VPS13B: variants seen among roughly 807,000 people sequenced by gnomAD.
VPS13B encodes the protein vacuolar protein sorting 13 homolog B.
VPS13B carries 285 observed loss-of-function variants against 426.4 expected under a neutral mutation model. That is an observed-to-expected ratio of 0.67 (90% CI 0.61 to 0.74). The LOEUF is 0.74. Ranked by LOEUF, VPS13B falls within the 30% of genes least tolerant of loss-of-function variation. VPS13B has a pLI of 0.00. For synonymous variants in VPS13B, 1,676 were observed against 1,676.4 expected (o/e 1.00, Z 0.01); for missense variants, 4,537 against 4,782.6 (o/e 0.95, Z 1.51).
At chr8:99,547,029 T>C (rs1436257435) in intron 30 of VPS13B, among the ~76,000 whole-genome samples, 1 of 152,088 alleles carries the variant, frequency 6.6e-6, no homozygotes, top group East Asian at 1.9e-4. Context: ...TTATCTGTGC[T>C]CACCTTGGTT....
intron 33 of VPS13B, among the ~76,000 whole-genome samples, chr8:99,583,467 C>G (rs1021379469): frequency 1.3e-5 from 2 of 151,926 alleles, no homozygotes; most frequent in African/African-American, 4.8e-5. Context: ...GGCTTTTTTG[C>G]TATGAACTGT....
chr8:99,495,961 A>C (rs1487559419), intron 25 of VPS13B, among the ~76,000 whole-genome samples: 2 of 152,194 alleles, frequency 1.3e-5, no homozygotes, highest in Non-Finnish European at 2.9e-5. Context: ...GGCAAACCTA[A>C]GTTATTAAGA....
chr8:99,556,694 T>C (rs1242976666), intron 31 of VPS13B, 41 bp downstream of exon 31: 1 of 1,594,356 alleles, frequency 6.3e-7, no homozygotes, highest in Non-Finnish European at 8.6e-7. Context: ...TTCTAATACT[T>C]CATTGCCAGA....
intron 36 of VPS13B, among the ~76,000 whole-genome samples, chr8:99,714,891 A>G (rs958721198): frequency 1.3e-5 from 2 of 152,200 alleles, no homozygotes; most frequent in African/African-American, 4.8e-5. Flanking sequence ...TGAATCCTGG[A>G]CCAGAAAGAG....
At position 99,857,737 on chromosome 8, in the gene VPS13B, C is replaced by T. The variant is rs1816624330; in HGVS notation, c.10868-1567C>T. The stretch of plus-strand genomic sequence containing the variant: ...TCTGCCTCCTGTGCCTGGTCCATTC[C>T]CTGACCCAGACAGCAGCTCAGTCAC... On this transcript the variant is annotated intron_variant, in intron 56 of 61. Transcript: ENST00000357162. Among the ~76,000 whole-genome samples the T allele has an allele frequency of 2.6e-5, 4 of 152,284 alleles. No homozygotes were observed. In the South Asian group the frequency reaches 8.3e-4, roughly 32 times the overall value.
intron 59 of VPS13B, among the ~76,000 whole-genome samples, chr8:99,868,783 C>G (rs1254339916): frequency 6.6e-6 from 1 of 152,136 alleles, no homozygotes; most frequent in Non-Finnish European, 1.5e-5. Context: ...AGACTTTTTC[C>G]TATGATAAAT....
intron 19 of VPS13B, among the ~76,000 whole-genome samples, chr8:99,283,896 T>C (rs896173753): frequency 1.3e-5 from 2 of 152,234 alleles, no homozygotes; most frequent in African/African-American, 4.8e-5. Flanking sequence ...TTTGAAAATG[T>C]TACATTTGTA....
intron 33 of VPS13B, among the ~76,000 whole-genome samples, chr8:99,633,304 T>C (rs1017210646): frequency 6.6e-6 from 1 of 152,050 alleles, no homozygotes; most frequent in Non-Finnish European, 1.5e-5. Context: ...ACTGGAATAG[T>C]TAATAAGCAC....
chr8:99,032,847 T>A (rs543528547), intron 2 of VPS13B, among the ~76,000 whole-genome samples: 1 of 152,138 alleles, frequency 6.6e-6, no homozygotes, highest in East Asian at 1.9e-4. Context: ...GCCCGAATTA[T>A]TTTCTTTGTG....
chr8:99,837,966 G>A (rs569052908), intron 54 of VPS13B, among the ~76,000 whole-genome samples: 4 of 152,176 alleles, frequency 2.6e-5, no homozygotes, highest in Non-Finnish European at 5.9e-5. Flanking sequence ...TTTCAGTCAA[G>A]CCCTCTGCTT....
intron 31 of VPS13B, among the ~76,000 whole-genome samples, chr8:99,557,348 T>C (rs1421582273): frequency 6.6e-6 from 1 of 151,988 alleles, no homozygotes; most frequent in Non-Finnish European, 1.5e-5. Context: ...CTTATGACTT[T>C]GCATTCTCAT....
At chr8:99,816,519 G>T (rs922998622) in intron 44 of VPS13B, among the ~76,000 whole-genome samples, 3 of 152,192 alleles carry the variant, frequency 2.0e-5, no homozygotes, top group Non-Finnish European at 2.9e-5. Flanking sequence ...AACTTACACA[G>T]TTTAGGCCAG....
chr8:99,547,476 G>T (rs1824049324), intron 30 of VPS13B, among the ~76,000 whole-genome samples: 1 of 151,874 alleles, frequency 6.6e-6, no homozygotes, highest in African/African-American at 2.4e-5. Flanking sequence ...TCTCAATTGA[G>T]CTATAAGTGA....
At chr8:99,565,856 A>C (rs1048756309) in intron 31 of VPS13B, among the ~76,000 whole-genome samples, 5 of 152,206 alleles carry the variant, frequency 3.3e-5, no homozygotes, top group African/African-American at 7.2e-5. Flanking sequence ...CATGCTGGGC[A>C]CAGTGGTCTC....
intron 17 of VPS13B, among the ~76,000 whole-genome samples, chr8:99,270,568 A>T (rs2132981251): frequency 6.6e-6 from 1 of 152,296 alleles, no homozygotes; most frequent in South Asian, 2.1e-4. Flanking sequence ...ACTGTAAAAG[A>T]AGCCGTGTTA....
At chr8:99,338,399 A>G (rs1456509836) in intron 19 of VPS13B, among the ~76,000 whole-genome samples, 2 of 151,930 alleles carry the variant, frequency 1.3e-5, no homozygotes, top group East Asian at 1.9e-4. Flanking sequence ...TGCGTACTAC[A>G]TTCCATTTTA....
At chr8:99,324,622 T>C (rs1327833856) in intron 19 of VPS13B, among the ~76,000 whole-genome samples, 1 of 152,210 alleles carries the variant, frequency 6.6e-6, no homozygotes, top group East Asian at 1.9e-4. Context: ...AAATGTCCTG[T>C]TCCTAAGAAA....
intron 3 of VPS13B, among the ~76,000 whole-genome samples, chr8:99,043,200 T>C (rs1843054077): frequency 6.6e-6 from 1 of 152,142 alleles, no homozygotes; most frequent in Non-Finnish European, 1.5e-5. Flanking sequence ...TTTTATTTAC[T>C]GGATGGTCAT....
intron 19 of VPS13B, among the ~76,000 whole-genome samples, chr8:99,336,896 C>A (rs368593641): frequency 6.6e-6 from 1 of 151,904 alleles, no homozygotes; most frequent in Non-Finnish European, 1.5e-5. Context: ...GAAATAGGAA[C>A]ACTTTTACAC....
Sources: allele counts gnomAD v4.1 joint callset (sites outside exome capture counted in the v4.1 genomes callset), GRCh38; gene constraint gnomAD v4.1.1; transcripts MANE v1.5; gene names NCBI Gene and HGNC (gene_info 2026-07-23, HGNC 2026-07-21).